ENOX1: variants seen among roughly 807,000 people sequenced by gnomAD.
ENOX1 encodes ecto-NOX disulfide-thiol exchanger 1.
In ENOX1, 42 loss-of-function variants were observed where a neutral mutation model predicts 82.5. That is an observed-to-expected ratio of 0.51 (90% CI 0.40 to 0.66). The LOEUF is 0.66. ENOX1 is among the 30% of genes least tolerant of loss of function. ENOX1 has a pLI of 0.00. For missense variants in ENOX1, 608 were observed against 811.6 expected (o/e 0.75, Z 3.05); for synonymous variants, 271 against 282.2 (o/e 0.96, Z 0.40).
chr13:43,418,175 C>A (rs969163497), intron 3 of ENOX1, among the ~76,000 whole-genome samples: 5 of 152,060 alleles, frequency 3.3e-5, no homozygotes, highest in Non-Finnish European at 7.4e-5. Flanking sequence ...CCACTGCACT[C>A]CAGCCTAGTT....
chr13:43,271,429 G>C (rs1341782189), intron 12 of ENOX1, among the ~76,000 whole-genome samples: 1 of 151,976 alleles, frequency 6.6e-6, no homozygotes, highest in East Asian at 1.9e-4. Context: ...TGCTGTCTCT[G>C]GGTGGGTGGG....
chr13:43,543,918 T>TTTTTTTTTTTTTTTTTG (rs2078859679), intron 2 of ENOX1: 1 of 136,030 alleles, frequency 7.4e-6, no homozygotes, highest in Admixed American at 7.4e-5. Context: ...TTTTTCTTTT[T>TTTTTTTTTTTTTTTTTG]TTTTTTTTTT....
At chr13:43,585,029 C>T (rs1422310360) in intron 2 of ENOX1, among the ~76,000 whole-genome samples, 1 of 152,128 alleles carries the variant, frequency 6.6e-6, no homozygotes, top group Non-Finnish European at 1.5e-5. Flanking sequence ...TATGCTATCT[C>T]ATAAGGCAAA....
At chr13:43,461,954 G>A (rs1423722244) in intron 3 of ENOX1, among the ~76,000 whole-genome samples, 1 of 152,146 alleles carries the variant, frequency 6.6e-6, no homozygotes. Flanking sequence ...ATTGGTTCTG[G>A]ATAAACATAC....
At chr13:43,631,945 G>A (rs781204900) in intron 2 of ENOX1, among the ~76,000 whole-genome samples, 3 of 152,110 alleles carry the variant, frequency 2.0e-5, no homozygotes, top group Admixed American at 6.5e-5. Context: ...TTGCCGTCAA[G>A]ACAAACAGCA....
At chr13:43,267,533 C>T (rs1011411346) in intron 13 of ENOX1, among the ~76,000 whole-genome samples, 22 of 152,226 alleles carry the variant, frequency 1.4e-4, no homozygotes, top group South Asian at 2.1e-4. Context: ...GTGTATCTTT[C>T]CCTGCATGTG....
chr13:43,334,490 C>T (rs2048586231), intron 9 of ENOX1, among the ~76,000 whole-genome samples: 1 of 152,066 alleles, frequency 6.6e-6, no homozygotes, highest in Non-Finnish European at 1.5e-5. Context: ...GGGGAGACAA[C>T]ATATATATGA....
intron 1 of ENOX1, among the ~76,000 whole-genome samples, chr13:43,713,704 G>C (rs1418960047): frequency 6.6e-6 from 1 of 151,990 alleles, no homozygotes; most frequent in Non-Finnish European, 1.5e-5. Context: ...TTTGCATAGA[G>C]GTGTTTGTAG....
At chr13:43,570,213 G>A (rs2080116194) in intron 2 of ENOX1, among the ~76,000 whole-genome samples, 1 of 152,180 alleles carries the variant, frequency 6.6e-6, no homozygotes, top group Admixed American at 6.5e-5. Flanking sequence ...ACGTTTCAAA[G>A]TCCCAGTTAG....
chr13:43,688,474 T>C (rs2086187553), intron 1 of ENOX1, among the ~76,000 whole-genome samples: 1 of 152,206 alleles, frequency 6.6e-6, no homozygotes, highest in Admixed American at 6.5e-5. Flanking sequence ...TAAGAAATGC[T>C]TAGCCTTTGC....
intron 1 of ENOX1, among the ~76,000 whole-genome samples, chr13:43,747,348 T>C (rs745313963): frequency 6.6e-6 from 1 of 152,186 alleles, no homozygotes; most frequent in Non-Finnish European, 1.5e-5. Context: ...TTCTAGTGAA[T>C]TCTATCACTG....
chr13:43,233,542 C>T (rs1320926840), intron 15 of ENOX1, among the ~76,000 whole-genome samples: 1 of 152,176 alleles, frequency 6.6e-6, no homozygotes, highest in Non-Finnish European at 1.5e-5. Context: ...ATCAGTGTCA[C>T]AAATAATTAT....
chr13:43,460,805 A>G (rs1408978358), intron 3 of ENOX1, among the ~76,000 whole-genome samples: 1 of 34,882 alleles, frequency 2.9e-5, no homozygotes, highest in East Asian at 1.6e-3. Flanking sequence ...AAAAAAAAAA[A>G]AAAAAAAAAA....
intron 9 of ENOX1, among the ~76,000 whole-genome samples, chr13:43,336,009 T>C (rs1442404243): frequency 6.6e-6 from 1 of 152,216 alleles, no homozygotes; most frequent in Admixed American, 6.5e-5. Flanking sequence ...ATCAGTACAA[T>C]TTTGAGGAGA....
intron 5 of ENOX1, among the ~76,000 whole-genome samples, chr13:43,363,476 A>T (rs2050653008): frequency 6.6e-6 from 1 of 152,254 alleles, no homozygotes; most frequent in Non-Finnish European, 1.5e-5. Context: ...AAGAAGTTCC[A>T]GAACAGAATG....
chr13:43,589,769 G>C (rs998370661), intron 2 of ENOX1, among the ~76,000 whole-genome samples: 2 of 151,994 alleles, frequency 1.3e-5, no homozygotes, highest in Admixed American at 1.3e-4. Context: ...CTTGTCCCCA[G>C]TGCACTGGGA....
chr13:43,461,356 C>T (rs2057475488), intron 3 of ENOX1, among the ~76,000 whole-genome samples: 1 of 152,168 alleles, frequency 6.6e-6, no homozygotes, highest in African/African-American at 2.4e-5. Context: ...ATGTATTCAT[C>T]TACATTCATT....
intron 14 of ENOX1, among the ~76,000 whole-genome samples, chr13:43,258,192 G>C (rs143877420): frequency 6.6e-6 from 1 of 152,188 alleles, no homozygotes; most frequent in African/African-American, 2.4e-5. Flanking sequence ...GCTTCTGTCT[G>C]TTTTTGACAG....
intron 5 of ENOX1, among the ~76,000 whole-genome samples, chr13:43,392,971 G>A (rs1276131834): frequency 6.6e-6 from 1 of 152,096 alleles, no homozygotes; most frequent in Non-Finnish European, 1.5e-5. Flanking sequence ...GCTGGAGTGG[G>A]ATGGGTCCCT....
Sources: gnomAD v4.1 joint callset for allele counts (sites outside exome capture counted in the v4.1 genomes callset) on GRCh38, gnomAD v4.1.1 for gene constraint, MANE v1.5 for transcripts, NCBI Gene and HGNC (gene_info 2026-07-23, HGNC 2026-07-21) for gene names.